COL6A6: variants seen among roughly 807,000 people sequenced by gnomAD.
COL6A6 encodes the protein collagen alpha-6(VI) chain.
COL6A6 carries 183 observed loss-of-function variants against 208.6 expected under a neutral mutation model. That is an observed-to-expected ratio of 0.88 (90% confidence interval 0.78 to 0.99). The LOEUF (loss-of-function observed/expected upper bound fraction) is 0.99, where lower values mean the gene tolerates loss of function less well. Ranked by LOEUF, COL6A6 falls within the 50% of genes least tolerant of loss-of-function variation. The pLI is 0.00. For missense variants in COL6A6, 2,816 were observed against 2,815.2 expected (o/e 1.00, Z -0.01); for synonymous variants, 973 against 1,011.8 (o/e 0.96, Z 0.73).
At chr3:130,548,775 GT>G (rs1489056131) in intron 1 of COL6A6, among the ~76,000 whole-genome samples, 1 of 152,230 alleles carries the variant, frequency 6.6e-6, no homozygotes, top group Non-Finnish European at 1.5e-5. Context: ...GTCAATTGCA[GT>G]TCAGGTTTTC....
In COL6A6 at chr3:130,565,237, G is replaced by A. The variant is rs774730504; in HGVS notation, c.905G>A (p.Arg302Gln). 36 of 1,613,806 alleles carry A rather than the reference G, an allele frequency of 2.2e-5. No homozygotes were observed. The highest frequency in any genetic ancestry group is 8.8e-5 in the South Asian group (8 of 91,080). ...CAGCATATACAGAACCTTTCTCCCC[G>A]AACTGGGAAGGCCTATACTGGAGCT... is the stretch of plus-strand genomic sequence containing the variant. ...VLQHIQNLSP[R>Q]TGKAYTGAAI... The change falls in exon 4 of 37, where the codon CGA (arginine) becomes CAA (glutamine). Residue 302 changes from arginine (R) to glutamine (Q), a missense_variant. Physicochemically the swap from Arg to Gln is conservative, Grantham distance 43. Coordinates refer to ENST00000358511, the MANE Select transcript of COL6A6 (RefSeq NM_001102608.3).
chr3:130,567,370 T>G, intron 5 of COL6A6, 108 bp downstream of exon 5: 1 of 854,100 alleles, frequency 1.2e-6, no homozygotes, highest in Non-Finnish European at 1.8e-6. Context: ...TAAGTTGAGA[T>G]TTGTTAACTT....
In COL6A6 at chr3:130,593,211, C is replaced by T. The variant is rs1021489884; in HGVS notation, c.4429C>T (p.Leu1477Phe). The change falls in exon 17 of 37, where the codon CTT becomes TTT. Residue 1477 changes from leucine (L) to phenylalanine (F), a missense_variant. Coordinates refer to ENST00000358511, the MANE Select transcript of COL6A6 (RefSeq NM_001102608.3). ...GLNGEQGDNG[L>F]PGRKGEKGDE... is the part of the protein sequence containing the mutation. ...TCTTGTTTTTTAGGGTGATAATGGT[C>T]TTCCTGGAAGAAAAGGAGAAAAGGG... 3.7e-6 allele frequency: 6 copies of T among 1,613,066 alleles called. No homozygotes were observed. The highest frequency in any genetic ancestry group is 4.2e-6 in the Non-Finnish European group (5 of 1,179,144).
chr3:130,593,250 C>T lies in COL6A6; in HGVS notation c.4468C>T (p.Gln1490Ter), dbSNP rs1259303825. The T allele has an allele frequency of 1.9e-6, 3 of 1,610,324 alleles. No individual in the cohort carries two copies. Among genetic ancestry groups the T allele is most frequent in the South Asian group, 2.2e-5 (2 of 91,010 alleles). The change falls in exon 17 of 37, where the codon CAG becomes TAG. Residue 1490 changes from glutamine (Q) to a stop codon, truncating the protein, a stop_gained and splice_region_variant. Coordinates refer to ENST00000358511, the MANE Select transcript of COL6A6 (RefSeq NM_001102608.3). LOFTEE classifies it high-confidence loss of function. ...RKGEKGDEGS[Q>*]GSPGKRGTPG... The stretch of plus-strand genomic sequence containing the variant: ...AGGAGAAAAGGGAGATGAGGGATCT[C>T]AGGTAGGGATTTGAAAAGGAAGAAC...
In COL6A6 at chr3:130,665,893, T is replaced by C. The variant is rs532258736; in HGVS notation, c.6596+797T>C. ...CACAGAACCACTCACATGTTACTTA[T>C]TAATTACAAACAGGAAAATGTGCCT... On this transcript the variant is annotated intron_variant, in intron 36 of 36. Transcript: ENST00000358511. Among the ~76,000 whole-genome samples the C allele has an allele frequency of 2.6e-5, 4 of 152,300 alleles. No homozygotes were observed. In the South Asian group the frequency reaches 8.3e-4, roughly 32 times the overall value.
Position 130,545,100 on chromosome 3 carries a change from C to T in COL6A6, c.-31-15234C>T, listed in dbSNP as rs952501430. On this transcript the variant is annotated intron_variant, in intron 1 of 36. Coordinates refer to ENST00000358511, the MANE Select transcript of COL6A6 (RefSeq NM_001102608.3). ...GGTGTGATAACCAAAATCATTAAGA[C>T]CAATGTCAAGAGACTTTTCTCCTAT... Among the ~76,000 whole-genome samples, 3 of 152,262 alleles carry T rather than the reference C, an allele frequency of 2.0e-5. No individual in the cohort carries two copies. In the Middle Eastern group the frequency reaches 0.01, roughly 518 times the overall value.
chr3:130,587,715 T>G (rs1560031134), intron 11 of COL6A6, among the ~76,000 whole-genome samples: 1 of 152,268 alleles, frequency 6.6e-6, no homozygotes, highest in Non-Finnish European at 1.5e-5. Flanking sequence ...AAGTGCTAGC[T>G]CCTGCTGTTT....
At position 130,616,482 on chromosome 3, in the gene COL6A6, A is replaced by G. The variant is rs891183661; in HGVS notation, c.4816-5339A>G. Among the ~76,000 whole-genome samples, 4 of 145,720 alleles carry G rather than the reference A, an allele frequency of 2.7e-5. No homozygotes were observed. The Admixed American group carries it at 2.9e-4, about 10-fold the overall frequency. ...GAAAGAGCTTTGAAAGGAATGGCAT[A>G]TTCTTTTCTACCTTCCTTCATTCCC... is the stretch of plus-strand genomic sequence containing the variant. On this transcript the variant is annotated intron_variant, in intron 23 of 36. Coordinates refer to ENST00000358511, the MANE Select transcript of COL6A6 (RefSeq NM_001102608.3).
intron 34 of COL6A6, among the ~76,000 whole-genome samples, chr3:130,661,210 CACTTTT>C (rs1006745643): frequency 2.6e-4 from 40 of 152,242 alleles, no homozygotes; most frequent in African/African-American, 8.4e-4. Context: ...TTACTTTGTT[CACTTTT>C]ACTTTGTAAG....
intron 33 of COL6A6, among the ~76,000 whole-genome samples, chr3:130,650,709 A>G (rs558885619): frequency 6.6e-6 from 1 of 152,312 alleles, no homozygotes; most frequent in East Asian, 1.9e-4. Flanking sequence ...ATGAAAAAGT[A>G]TTACTGGAGA....
At chr3:130,644,615 A>G (rs979171926) in intron 31 of COL6A6, among the ~76,000 whole-genome samples, 1 of 152,230 alleles carries the variant, frequency 6.6e-6, no homozygotes, top group African/African-American at 2.4e-5. Context: ...ATATATATAA[A>G]TGATAGTTAT....
chr3:130,619,797 C>T (rs955754903), intron 23 of COL6A6, among the ~76,000 whole-genome samples: 4 of 152,060 alleles, frequency 2.6e-5, no homozygotes, highest in East Asian at 1.9e-4. Context: ...GGATAATTCT[C>T]AGGTTTCTGG....
rs748795435 is a variant in COL6A6, at chr3:130,592,711, A to T, written c.4360A>T (p.Asn1454Tyr). The T allele has an allele frequency of 1.4e-5, 23 of 1,612,348 alleles. No homozygotes were observed. The highest frequency in any genetic ancestry group is 2.0e-5 in the Non-Finnish European group (23 of 1,178,816). The change falls in exon 15 of 37, where the codon AAT becomes TAT. Residue 1454 changes from asparagine (N) to tyrosine (Y), a missense_variant. Coordinates refer to ENST00000358511, the MANE Select transcript of COL6A6 (RefSeq NM_001102608.3). ...TTATTTTCAGGGAAACAGAGGACTA[A>T]ATGGACAGGAGGTATGTTACCAGGC... Reference protein sequence around the residue: ...TKGPKGNRGLNGQEGEVGENG... With the variant: ...TKGPKGNRGLYGQEGEVGENG...
chr3:130,531,283 C>A (rs573165579), intron 1 of COL6A6, among the ~76,000 whole-genome samples: 1 of 147,524 alleles, frequency 6.8e-6, no homozygotes, highest in Non-Finnish European at 1.5e-5. Context: ...CATCTAACAT[C>A]CTATTAGCAG....
At chr3:130,674,567 A>G (rs537605123) in intron 36 of COL6A6, among the ~76,000 whole-genome samples, 4 of 152,324 alleles carry the variant, frequency 2.6e-5, no homozygotes, top group Admixed American at 6.5e-5. Flanking sequence ...AGCAGATAGT[A>G]AACATATGGA....
Position 130,661,724 on chromosome 3 carries a change from C to T in COL6A6, c.5918C>T (p.Ser1973Phe). 3.1e-6 allele frequency: 5 copies of T among 1,613,910 alleles called. No individual in the cohort carries two copies. Among genetic ancestry groups the T allele is most frequent in the Non-Finnish European group, 4.2e-6 (5 of 1,179,872 alleles). Residue 1973 changes from serine to phenylalanine, a missense_variant, in exon 35 of 37, where the codon TCC (serine) becomes TTC (phenylalanine). Coordinates refer to ENST00000358511, the MANE Select transcript of COL6A6 (RefSeq NM_001102608.3). ...YMDAAFLLDA[S>F]RNMGSAEFED... Reference sequence around the variant, plus strand: ...GATGCTGCTTTCCTTCTGGATGCCTCCCGGAACATGGGAAGTGCTGAATTT... The same window carrying T: ...GATGCTGCTTTCCTTCTGGATGCCTTCCGGAACATGGGAAGTGCTGAATTT...
intron 25 of COL6A6, 75 bp from the exon 26 acceptor site, chr3:130,627,244 A>G (rs564516063): frequency 9.9e-6 from 14 of 1,409,868 alleles, no homozygotes; most frequent in East Asian, 2.3e-5. Context: ...AAAGCTGGCA[A>G]TGTTGTCCTC....
intron 24 of COL6A6, among the ~76,000 whole-genome samples, chr3:130,624,019 T>G (rs1352099544): frequency 2.6e-5 from 4 of 151,786 alleles, no homozygotes; most frequent in Non-Finnish European, 5.9e-5. Flanking sequence ...GTGTAGCAAT[T>G]GAGAGGAGAG....
chr3:130,621,773 A>C (rs768823526), intron 23 of COL6A6, 48 bp from the exon 24 acceptor site: 2 of 1,522,774 alleles, frequency 1.3e-6, no homozygotes, highest in Admixed American at 3.4e-5. Context: ...TTTGAAGAAA[A>C]GTTGCTTTAT....
Sources: gnomAD v4.1 joint callset for allele counts (sites outside exome capture counted in the v4.1 genomes callset) on GRCh38, gnomAD v4.1.1 for gene constraint, MANE v1.5 for transcripts, NCBI Gene and HGNC (gene_info 2026-07-23, HGNC 2026-07-21) for gene names.